HOOK3: variants seen among roughly 807,000 people sequenced by gnomAD.
HOOK3 encodes the protein protein Hook homolog 3.
Under a neutral mutation model 116.3 loss-of-function variants are expected in HOOK3, and 24 were observed. That is an observed-to-expected ratio of 0.21 (90% CI 0.15 to 0.29). The LOEUF (loss-of-function observed/expected upper bound fraction) is 0.29, where lower values mean the gene tolerates loss of function less well. Ranked by LOEUF, HOOK3 falls within the 10% of genes least tolerant of loss-of-function variation. The probability of loss-of-function intolerance (pLI) is 1.00; values close to 1 mark genes in which losing one functional copy is unlikely to be tolerated. For synonymous variants in HOOK3, 275 were observed against 283.0 expected (o/e 0.97, Z 0.28); for missense variants, 632 against 830.2 (o/e 0.76, Z 2.93).
chr8:42,964,262 T>C, intron 8 of HOOK3, 49 bp from the exon 9 acceptor site: 1 of 1,568,510 alleles, frequency 6.4e-7, no homozygotes, highest in Non-Finnish European at 8.8e-7. Flanking sequence ...ATTGAGCTGA[T>C]GCCAGTGTAG....
intron 5 of HOOK3, among the ~76,000 whole-genome samples, chr8:42,946,357 A>G (rs1808225893): frequency 6.6e-6 from 1 of 152,194 alleles, no homozygotes; most frequent in Non-Finnish European, 1.5e-5. Context: ...TAGAAGCTGA[A>G]TGTAGGAAAG....
At position 42,957,174 on chromosome 8, in the gene HOOK3, GT is replaced by G; in HGVS notation, c.531+23del. The G allele has an allele frequency of 6.7e-7, 1 of 1,495,012 alleles. No individual in the cohort carries two copies. Among genetic ancestry groups the G allele is most frequent in the Non-Finnish European group, 9.2e-7 (1 of 1,088,258 alleles). The allele number at this position is 1,495,012 out of a possible 1,614,324, so 92.6% of individuals were successfully genotyped here. A position where few individuals can be genotyped will look rare whatever the true frequency, so the allele number is the denominator to read the frequency against. ...ATCGTCAGGTATATAATTTTACATT[GT>G]TTTTATTCATGAAAAGGTTGAAAAG... On this transcript the variant is annotated intron_variant, in intron 7 of 21. Coordinates refer to ENST00000307602, the MANE Select transcript of HOOK3 (RefSeq NM_032410.4).
At chr8:42,919,148 G>A (rs1213469085) in intron 2 of HOOK3, among the ~76,000 whole-genome samples, 2 of 151,652 alleles carry the variant, frequency 1.3e-5, no homozygotes, top group African/African-American at 4.8e-5. Flanking sequence ...CTTCCCAGAC[G>A]GGGCGGCTGC....
intron 4 of HOOK3, among the ~76,000 whole-genome samples, chr8:42,941,788 G>A (rs1035965558): frequency 1.3e-5 from 2 of 152,176 alleles, no homozygotes; most frequent in Middle Eastern, 6.8e-3. Flanking sequence ...CCAGCCAAGT[G>A]TGGGGAAGGA....
At chr8:43,004,366 CAA>C (rs1385118465) in intron 17 of HOOK3, among the ~76,000 whole-genome samples, 24 of 83,700 alleles carry the variant, frequency 2.9e-4, no homozygotes, top group Non-Finnish European at 2.7e-4. Flanking sequence ...GACTCTGTCT[CAA>C]AAAAAAAAAA....
chr8:42,931,414 T>C (rs1043676613), intron 4 of HOOK3, among the ~76,000 whole-genome samples: 1 of 150,940 alleles, frequency 6.6e-6, no homozygotes, highest in Non-Finnish European at 1.5e-5. Context: ...CCCATTATAT[T>C]CTTCTCTTCT....
In HOOK3 at chr8:42,929,889, A is replaced by C. The variant is rs541677239; in HGVS notation, c.217-233A>C. Reference sequence around the variant, plus strand: ...CCCTCCAGTTGTTTTCAGTGTGGTCATAACATTGAAAATTCTACATAATTG... The same window carrying C: ...CCCTCCAGTTGTTTTCAGTGTGGTCCTAACATTGAAAATTCTACATAATTG... On this transcript the variant is annotated intron_variant, in intron 3 of 21. Transcript: ENST00000307602. Among the ~76,000 whole-genome samples, 3 of 152,316 alleles carry C rather than the reference A, an allele frequency of 2.0e-5. No individual in the cohort carries two copies. The East Asian group carries it at 5.8e-4, about 29-fold the overall frequency.
chr8:42,988,997 C>T lies in HOOK3; in HGVS notation c.1532+2202C>T, dbSNP rs552830917. 1.8e-4 allele frequency among the ~76,000 whole-genome samples: 27 copies of T among 151,796 alleles called. 1 individual carries two copies. Among genetic ancestry groups the T allele is most frequent in the African/African-American group, 6.6e-4 (27 of 41,044 alleles). ...CCCACTGAGTCTGTTACAGTTTGCT[C>T]ACTGCCCATGTATGTCACCTGTCAG... On this transcript the variant is annotated intron_variant, in intron 15 of 21. Coordinates refer to ENST00000307602, the MANE Select transcript of HOOK3 (RefSeq NM_032410.4).
chr8:42,903,818 T>C (rs936699857), intron 1 of HOOK3, among the ~76,000 whole-genome samples: 3 of 151,448 alleles, frequency 2.0e-5, no homozygotes, highest in Non-Finnish European at 4.4e-5. Context: ...TAGCCGGGCA[T>C]GGTAGCGGGC....
intron 4 of HOOK3, among the ~76,000 whole-genome samples, chr8:42,931,752 TC>T (rs1807878328): frequency 1.3e-5 from 2 of 150,354 alleles, no homozygotes; most frequent in Non-Finnish European, 3.0e-5. Context: ...TCTTCCCTCT[TC>T]CCATCCCGTC....
intron 8 of HOOK3, among the ~76,000 whole-genome samples, chr8:42,960,409 G>T (rs897233363): frequency 2.6e-5 from 4 of 152,172 alleles, no homozygotes; most frequent in African/African-American, 4.8e-5. Flanking sequence ...AGAAGAGGTA[G>T]CCCTACAGCA....
At chr8:42,986,824 C>A in intron 15 of HOOK3, 29 bp downstream of exon 15, 1 of 1,604,712 alleles carries the variant, frequency 6.2e-7, no homozygotes, top group Non-Finnish European at 8.5e-7. Context: ...CCGCATCTGG[C>A]TATAAGTTTT....
intron 16 of HOOK3, among the ~76,000 whole-genome samples, chr8:42,999,999 T>A (rs1280444379): frequency 2.0e-5 from 3 of 151,856 alleles, no homozygotes; most frequent in Non-Finnish European, 2.9e-5. Context: ...ACAAAAAAAA[T>A]TAGCCAGGCA....
chr8:42,957,969 A>G (rs1400685994), intron 7 of HOOK3, among the ~76,000 whole-genome samples: 1 of 151,860 alleles, frequency 6.6e-6, no homozygotes, highest in Non-Finnish European at 1.5e-5. Flanking sequence ...AGCTGGGACT[A>G]CAGGCACCTG....
At chr8:42,941,262 TC>T (rs1470440336) in intron 4 of HOOK3, among the ~76,000 whole-genome samples, 2 of 146,702 alleles carry the variant, frequency 1.4e-5, no homozygotes, top group East Asian at 4.5e-4. Flanking sequence ...ACACCTGTAA[TC>T]CCAGCACTTT....
chr8:42,929,972 A>G, intron 3 of HOOK3, 150 bp from the exon 4 acceptor site: 1 of 654,574 alleles, frequency 1.5e-6, no homozygotes, highest in Non-Finnish European at 2.5e-6. Flanking sequence ...TTTGATGATG[A>G]TGATAATTCA....
rs546187360 is a variant in HOOK3, at chr8:42,906,612, C to T, written c.143+354C>T. Among the ~76,000 whole-genome samples the T allele has an allele frequency of 5.0e-4, 76 of 152,266 alleles. 2 individuals are homozygous for T. The South Asian group carries it at 0.015, about 31-fold the overall frequency. ...TGCTGAAATATCATCTCATCAGTGG[C>T]ACCTGCCCTGAGTACCCATATAAAA... On this transcript the variant is annotated intron_variant, in intron 2 of 21. Coordinates refer to ENST00000307602, the MANE Select transcript of HOOK3 (RefSeq NM_032410.4).
At position 43,027,402 on chromosome 8, in the gene HOOK3, A is replaced by G. The variant is rs1809951206; in HGVS notation, c.*8904A>G. The G allele has an allele frequency of 3.2e-6, 1 of 310,818 alleles. No individual in the cohort carries two copies. The highest frequency in any genetic ancestry group is 6.2e-5 in the African/African-American group (1 of 16,032). 19.3% of individuals were successfully genotyped at this position (310,818 alleles called of 1,614,324 possible). On this transcript the variant is annotated 3_prime_UTR_variant, in exon 22 of 22. Coordinates refer to ENST00000307602, the MANE Select transcript of HOOK3 (RefSeq NM_032410.4). ...AGAATAGAGAGATTTGCTTATGAGA[A>G]CATTCTGTCATTTGTTCTGTTTGTA...
At position 43,014,265 on chromosome 8, in the gene HOOK3, G is replaced by A. The variant is rs1322754709; in HGVS notation, c.2016+865G>A. Among the ~76,000 whole-genome samples, 18 of 127,840 alleles carry A rather than the reference G, an allele frequency of 1.4e-4. No individual in the cohort carries two copies. In the Admixed American group the frequency reaches 1.6e-3, roughly 11 times the overall value. 83.9% of individuals were successfully genotyped at this position (127,840 alleles called of 152,430 possible). On this transcript the variant is annotated intron_variant, in intron 21 of 21. Transcript: ENST00000307602. ...TGTGCCATTGCACTCCAGCCTGGGT[G>A]ACACAGCAAGACTGTCTCAGAAAAA...
Sources: gnomAD v4.1 joint callset for allele counts (sites outside exome capture counted in the v4.1 genomes callset) on GRCh38, gnomAD v4.1.1 for gene constraint, MANE v1.5 for transcripts, NCBI Gene and HGNC (gene_info 2026-07-23, HGNC 2026-07-21) for gene names.